Variants in TTF2 observed in about 807,000 individuals in gnomAD.
TTF2 encodes the protein RNA polymerase II termination factor.
A neutral mutation model predicts 142.4 loss-of-function variants in TTF2; 108 were observed. The ratio of observed to expected loss-of-function variants is 0.76; its 90% confidence interval spans 0.65 to 0.89. The LOEUF (loss-of-function observed/expected upper bound fraction) is 0.89. TTF2 is among the 40% of genes least tolerant of loss of function. The pLI, the probability that TTF2 is intolerant of heterozygous loss-of-function variation, is 0.00. For synonymous variants in TTF2, 483 were observed against 506.2 expected (o/e 0.95, Z 0.61); for missense variants, 1,327 against 1,379.8 (o/e 0.96, Z 0.61).
rs1214970677 is a variant in TTF2 at position 117,092,117 on chromosome 1, A to AT, written c.2805+171dup. Among the ~76,000 whole-genome samples the AT allele has an allele frequency of 1.3e-5, 2 of 152,024 alleles. No homozygotes were observed. Among genetic ancestry groups the AT allele is most frequent in the Non-Finnish European group, 2.9e-5 (2 of 67,994 alleles). The stretch of plus-strand genomic sequence containing the variant: ...GGGTTGGAGAAAAGGGGGCTTATTT[A>AT]TTTTGCTTTATTTCATATTAATCTT... On this transcript the variant is annotated intron_variant, in intron 17 of 22. Transcript: ENST00000369466. This position sits in a 1 kb window ranked among gnomAD's most constrained non-coding sequence, Gnocchi z 4.4.
intron 3 of TTF2, among the ~76,000 whole-genome samples, chr1:117,064,236 G>A (rs1477499333): frequency 6.6e-6 from 1 of 151,978 alleles, no homozygotes; most frequent in African/African-American, 2.4e-5. Context: ...CCAGCACTTT[G>A]GGAGGCTGAA....
rs932756024 is a variant in TTF2, at chr1:117,085,500, C to T, written c.2055-917C>T. The stretch of plus-strand genomic sequence containing the variant: ...CCTGGAAGGTGGAGGTTGCAGTGAG[C>T]CAAGATCACACCCCTACACTCCAGT... On this transcript the variant is annotated intron_variant, in intron 11 of 22. Transcript: ENST00000369466. The surrounding 1 kb of genome is among the most constrained non-coding windows in gnomAD (Gnocchi z 4.7). 6.6e-6 allele frequency among the ~76,000 whole-genome samples: 1 copy of T among 152,052 alleles called. No individual in the cohort carries two copies. The highest frequency in any genetic ancestry group is 2.4e-5 in the African/African-American group (1 of 41,406).
Position 117,101,722 on chromosome 1 carries a change from T to A in TTF2, c.*198T>A. The A allele has an allele frequency of 2.2e-6, 1 of 448,020 alleles. No homozygotes were observed. The highest frequency in any genetic ancestry group is 3.8e-6 in the Non-Finnish European group (1 of 264,052). The allele number at this position is 448,020 out of a possible 1,614,324, so 27.8% of individuals were successfully genotyped here. ...TGTGTTAACCAATTAGTTAACCAAT[T>A]ATGTTAATAATTTATTTAATGAGTG... On this transcript the variant is annotated 3_prime_UTR_variant, in exon 23 of 23. Transcript: ENST00000369466. This position sits in a 1 kb window ranked among gnomAD's most constrained non-coding sequence, Gnocchi z 5.9.
Position 117,086,382 on chromosome 1 carries a change from G to T in TTF2, c.2055-35G>T. The stretch of plus-strand genomic sequence containing the variant: ...CTCTCTCATTGTCCCTCTATAGTGG[G>T]ACCATTTATTGATTTCTTTGTTATG... On this transcript the variant is annotated intron_variant, in intron 11 of 22. Coordinates refer to ENST00000369466, the MANE Select transcript of TTF2 (RefSeq NM_003594.4). The surrounding 1 kb of genome is among the most constrained non-coding windows in gnomAD (Gnocchi z 4.2). The T allele has an allele frequency of 6.7e-7, 1 of 1,495,794 alleles. No homozygotes were observed. Among genetic ancestry groups the T allele is most frequent in the South Asian group, 1.1e-5 (1 of 88,432 alleles). The allele number at this position is 1,495,794 out of a possible 1,614,324, so 92.7% of individuals were successfully genotyped here. A position where few individuals can be genotyped will look rare whatever the true frequency, so the allele number is the denominator to read the frequency against.
At position 117,101,388 on chromosome 1, in the gene TTF2, G is replaced by A. The variant is rs201971104; in HGVS notation, c.3353G>A (p.Cys1118Tyr). The change falls in exon 23 of 23, where the codon TGT (cysteine) becomes TAT (tyrosine). Residue 1118 changes from cysteine (C) to tyrosine (Y), a missense_variant. Coordinates refer to ENST00000369466, the MANE Select transcript of TTF2 (RefSeq NM_003594.4). This position sits in a 1 kb window ranked among gnomAD's most constrained non-coding sequence, Gnocchi z 5.9. Reference protein sequence around the residue: ...QKDVVIHRFVCEGTVEEKILQ... With the variant: ...QKDVVIHRFVYEGTVEEKILQ... ...TTGTTTTTGTTTTTTAGATTTGTTT[G>A]TGAGGGAACAGTAGAAGAAAAGATC... 6 of 1,583,880 alleles carry A rather than the reference G, an allele frequency of 3.8e-6. No individual in the cohort carries two copies. The highest frequency in any genetic ancestry group is 5.1e-6 in the Non-Finnish European group (6 of 1,172,216).
At chr1:117,077,108 G>C (rs1657076634) in intron 7 of TTF2, among the ~76,000 whole-genome samples, 1 of 151,870 alleles carries the variant, frequency 6.6e-6, no homozygotes, top group Admixed American at 6.6e-5. Context: ...ATGTACGTAT[G>C]GGGAAAAAAA....
rs17036832 is a variant in TTF2, at chr1:117,075,402, G to A, written c.818G>A (p.Ser273Asn). ...PQNVHSHNSISKPQKGGPLNK... is the reference protein window; with the variant it reads ...PQNVHSHNSINKPQKGGPLNK... Reference sequence around the variant, plus strand: ...AATGTTCACAGTCACAACTCAATAAGCAAGCCCCAGAAAGGGGGACCCCTC... The same window carrying A: ...AATGTTCACAGTCACAACTCAATAAACAAGCCCCAGAAAGGGGGACCCCTC... The change falls in exon 5 of 23, where the codon AGC becomes AAC. Residue 273 changes from serine to asparagine, a missense_variant. Coordinates refer to ENST00000369466, the MANE Select transcript of TTF2 (RefSeq NM_003594.4). This position sits in a 1 kb window ranked among gnomAD's most constrained non-coding sequence, Gnocchi z 4.5. The A allele has an allele frequency of 1.9e-6, 3 of 1,614,176 alleles. No individual in the cohort carries two copies. Among genetic ancestry groups the A allele is most frequent in the East Asian group, 2.2e-5 (1 of 44,882 alleles).
At position 117,079,540 on chromosome 1, in the gene TTF2, C is replaced by T; in HGVS notation, c.1702-28C>T. ...CATAGCCTCTCATTAGGAATTTATG[C>T]TTAGCATTTGGTTATTACCTTTGTC... On this transcript the variant is annotated intron_variant, in intron 8 of 22. Coordinates refer to ENST00000369466, the MANE Select transcript of TTF2 (RefSeq NM_003594.4). This position sits in a 1 kb window ranked among gnomAD's most constrained non-coding sequence, Gnocchi z 4.2. 1 of 1,611,306 alleles carries T rather than the reference C, an allele frequency of 6.2e-7. No individual in the cohort carries two copies. The highest frequency in any genetic ancestry group is 8.5e-7 in the Non-Finnish European group (1 of 1,177,438).
In TTF2 at chr1:117,086,417, C is replaced by A. The variant is rs746247214; in HGVS notation, c.2055C>A (p.Val685=). The change falls in exon 12 of 23, where the codon GTC becomes GTA. Residue 685 remains valine, a splice_region_variant and synonymous_variant. Coordinates refer to ENST00000369466, the MANE Select transcript of TTF2 (RefSeq NM_003594.4). This position sits in a 1 kb window ranked among gnomAD's most constrained non-coding sequence, Gnocchi z 4.2. ...HGPNRDSRAR[V]LSTYDIVITT... ...TGATTTCTTTGTTATGTCTACGCAG[C>A]CTCTCTACATATGACATCGTGATCA... The A allele has an allele frequency of 2.5e-6, 4 of 1,610,370 alleles. No individual in the cohort carries two copies. The highest frequency in any genetic ancestry group is 2.2e-5 in the South Asian group (2 of 90,948).
chr1:117,088,876 C>G lies in TTF2; in HGVS notation c.2236C>G (p.Arg746Gly), dbSNP rs754302846. ...LDEAHNVKNP[R>G]VQTSIAVCKL... Reference sequence around the variant, plus strand: ...TGAAGCTCACAATGTTAAGAATCCCCGAGTGCAGACTTCCATAGCTGTGTG... The same window carrying G: ...TGAAGCTCACAATGTTAAGAATCCCGGAGTGCAGACTTCCATAGCTGTGTG... Residue 746 changes from arginine to glycine, a missense_variant, in exon 13 of 23, where the codon CGA becomes GGA. Arg to Gly is a moderately radical substitution (Grantham distance 125, BLOSUM62 -2). Transcript: ENST00000369466. The G allele has an allele frequency of 6.2e-7, 1 of 1,614,184 alleles. No individual in the cohort carries two copies. The highest frequency in any genetic ancestry group is 8.5e-7 in the Non-Finnish European group (1 of 1,180,018).
rs112933328 is a variant in TTF2, at chr1:117,082,599, C to G, written c.1903+652C>G. Among the ~76,000 whole-genome samples the G allele has an allele frequency of 5.2e-3, 793 of 152,264 alleles. 11 individuals are homozygous for G. Among genetic ancestry groups the G allele is most frequent in the African/African-American group, 0.018 (757 of 41,540 alleles). On this transcript the variant is annotated intron_variant, in intron 10 of 22. Coordinates refer to ENST00000369466, the MANE Select transcript of TTF2 (RefSeq NM_003594.4). ...TTTAAAGGAAGATCTGTCACAAATT[C>G]ACATTTTAGTCACTATAGTGGAAGC...
At chr1:117,064,001 C>G (rs1655887875) in intron 3 of TTF2, among the ~76,000 whole-genome samples, 1 of 152,150 alleles carries the variant, frequency 6.6e-6, no homozygotes, top group Admixed American at 6.5e-5. Flanking sequence ...TAACCATACC[C>G]CCTTCCCTCC....
chr1:117,069,007 C>T (rs989056476), intron 3 of TTF2, among the ~76,000 whole-genome samples: 1 of 152,202 alleles, frequency 6.6e-6, no homozygotes, highest in African/African-American at 2.4e-5. Context: ...CTTTATTTCT[C>T]AGCTTCAGAG....
intron 4 of TTF2, among the ~76,000 whole-genome samples, chr1:117,074,187 G>A (rs1656804789): frequency 6.6e-6 from 1 of 152,180 alleles, no homozygotes; most frequent in Non-Finnish European, 1.5e-5. Flanking sequence ...GACTTGTTTT[G>A]GCAGAGGTGT....
intron 13 of TTF2, 85 bp from the exon 14 acceptor site, chr1:117,089,970 C>T (rs1408241598): frequency 9.7e-6 from 14 of 1,442,296 alleles, no homozygotes; most frequent in Non-Finnish European, 1.3e-5. Flanking sequence ...TCTGATTTGT[C>T]ATCTTATATC....
chr1:117,089,831 C>T (rs1012807325), intron 13 of TTF2, among the ~76,000 whole-genome samples: 5 of 152,096 alleles, frequency 3.3e-5, no homozygotes, highest in Non-Finnish European at 7.4e-5. Flanking sequence ...GCGTAGGCAT[C>T]GTTAATAGGA....
At chr1:117,072,421 A>AC (rs1262403001) in intron 3 of TTF2, among the ~76,000 whole-genome samples, 30 of 118,008 alleles carry the variant, frequency 2.5e-4, no homozygotes, top group African/African-American at 1.1e-3. Flanking sequence ...AAAGATACGG[A>AC]CTTTTTTTTT....
At position 117,092,046 on chromosome 1, in the gene TTF2, G is replaced by A; in HGVS notation, c.2805+96G>A. 1 of 1,317,656 alleles carries A rather than the reference G, an allele frequency of 7.6e-7. No individual in the cohort carries two copies. Among genetic ancestry groups the A allele is most frequent in the Non-Finnish European group, 1.0e-6 (1 of 986,488 alleles). 81.6% of individuals were successfully genotyped at this position (1,317,656 alleles called of 1,614,324 possible). On this transcript the variant is annotated intron_variant, in intron 17 of 22. Coordinates refer to ENST00000369466, the MANE Select transcript of TTF2 (RefSeq NM_003594.4). This position sits in a 1 kb window ranked among gnomAD's most constrained non-coding sequence, Gnocchi z 4.4. ...CCTCCAACTGGAATCCAGTCTGCTT[G>A]ATCAAAGGAAATGCTGTTTCGGTTT... is the stretch of plus-strand genomic sequence containing the variant.
At chr1:117,098,770 C>G in intron 21 of TTF2, 63 bp from the exon 22 acceptor site, 1 of 1,468,268 alleles carries the variant, frequency 6.8e-7, no homozygotes, top group East Asian at 2.4e-5. Context: ...GGCCCATGGC[C>G]CATAGTTTGC....
Sources: allele counts gnomAD v4.1 joint callset (sites outside exome capture counted in the v4.1 genomes callset), GRCh38; gene constraint gnomAD v4.1.1; non-coding constraint Gnocchi (gnomAD v3.1); transcripts MANE v1.5; gene names NCBI Gene and HGNC (gene_info 2026-07-23, HGNC 2026-07-21).